RAPGEF5: variants seen among roughly 807,000 people sequenced by gnomAD.
RAPGEF5 encodes the protein M-Ras-regulated GEF.
RAPGEF5 carries 65 observed loss-of-function variants against 125.2 expected under a neutral mutation model. That is an observed-to-expected ratio of 0.52 (90% confidence interval 0.43 to 0.64). The LOEUF (loss-of-function observed/expected upper bound fraction) is 0.64. Ranked by LOEUF, RAPGEF5 falls within the 30% of genes least tolerant of loss-of-function variation. The probability of loss-of-function intolerance (pLI) is 0.00; values close to 1 mark genes in which losing one functional copy is unlikely to be tolerated. For missense variants in RAPGEF5, 958 were observed against 1,048.1 expected, an observed-to-expected ratio of 0.91 and a Z score of 1.19; for synonymous variants, 391 against 385.9, an observed-to-expected ratio of 1.01 and a Z score of -0.16.
At chr7:22,171,173 T>C (rs995877987) in intron 11 of RAPGEF5, among the ~76,000 whole-genome samples, 2 of 152,218 alleles carry the variant, frequency 1.3e-5, no homozygotes, top group Non-Finnish European at 2.9e-5. Context: ...TATTTAGAGA[T>C]ATTTTTAGAA....
rs570091425 is a variant in RAPGEF5, at chr7:22,305,498, G to C, written c.680+2841C>G. On this transcript the variant is annotated intron_variant, in intron 5 of 25. Transcript: ENST00000665637. Reference sequence around the variant, plus strand: ...GATACAGGCATGCAGTGTGAAATAAGCACATCATAGAGAATGGGGTACCTA... The same window carrying C: ...GATACAGGCATGCAGTGTGAAATAACCACATCATAGAGAATGGGGTACCTA... Among the ~76,000 whole-genome samples, 6 of 152,214 alleles carry C rather than the reference G, an allele frequency of 3.9e-5. No individual in the cohort carries two copies. The South Asian group carries it at 1.0e-3, about 26-fold the overall frequency.
intron 3 of RAPGEF5, chr7:22,314,610 T>A (rs1029088943): frequency 2.0e-6 from 2 of 981,008 alleles, no homozygotes; most frequent in Admixed American, 1.2e-4. Flanking sequence ...CTCTTCTTAC[T>A]CTTGATGGGT....
chr7:22,305,182 C>T (rs1248565851), intron 5 of RAPGEF5, among the ~76,000 whole-genome samples: 1 of 152,154 alleles, frequency 6.6e-6, no homozygotes, highest in Non-Finnish European at 1.5e-5. Flanking sequence ...ACCTAATTTC[C>T]CCTCTTATTT....
chr7:22,276,916 A>G (rs765761021), intron 6 of RAPGEF5, among the ~76,000 whole-genome samples: 21 of 152,228 alleles, frequency 1.4e-4, no homozygotes, highest in Non-Finnish European at 2.6e-4. Flanking sequence ...GCTGAATGAC[A>G]GAAGAAAGGA....
At chr7:22,290,044 G>A (rs1782893587) in intron 6 of RAPGEF5, among the ~76,000 whole-genome samples, 1 of 152,160 alleles carries the variant, frequency 6.6e-6, no homozygotes, top group Non-Finnish European at 1.5e-5. Flanking sequence ...CTTTAAAGCA[G>A]TGTGACAACA....
intron 5 of RAPGEF5, among the ~76,000 whole-genome samples, chr7:22,304,534 T>C (rs559151106): frequency 6.6e-6 from 1 of 152,346 alleles, no homozygotes; most frequent in South Asian, 2.1e-4. Context: ...AACAAGGTCA[T>C]TTCACTGGCA....
At chr7:22,311,233 G>A (rs1490897668) in intron 3 of RAPGEF5, among the ~76,000 whole-genome samples, 2 of 152,016 alleles carry the variant, frequency 1.3e-5, no homozygotes, top group Non-Finnish European at 2.9e-5. Flanking sequence ...GCCCAGACTG[G>A]TCTCAAACTC....
At chr7:22,321,219 T>C (rs543942718) in intron 1 of RAPGEF5, among the ~76,000 whole-genome samples, 2 of 152,270 alleles carry the variant, frequency 1.3e-5, no homozygotes, top group Admixed American at 6.5e-5. Flanking sequence ...AACTAGGAAA[T>C]TGCAATCCTT....
At position 22,303,447 on chromosome 7, in the gene RAPGEF5, C is replaced by A. The variant is rs1485621927; in HGVS notation, c.680+4892G>T. Among the ~76,000 whole-genome samples, 3 of 152,080 alleles carry A rather than the reference C, an allele frequency of 2.0e-5. No individual in the cohort carries two copies. The East Asian group carries it at 5.8e-4, about 29-fold the overall frequency. On this transcript the variant is annotated intron_variant, in intron 5 of 25. Coordinates refer to ENST00000665637, the MANE Select transcript of RAPGEF5 (RefSeq NM_012294.5). The stretch of plus-strand genomic sequence containing the variant: ...CATTTCCCCTCCTGCTTTAAAGATT[C>A]TTTTTTAAATGAGAAAAATCCCCTT...
At chr7:22,213,420 AT>A (rs1376229835) in intron 9 of RAPGEF5, among the ~76,000 whole-genome samples, 1 of 152,200 alleles carries the variant, frequency 6.6e-6, no homozygotes, top group Non-Finnish European at 1.5e-5. Flanking sequence ...TAAATGTCTT[AT>A]TTAGAGACTT....
chr7:22,325,211 G>A (rs1783791251), intron 1 of RAPGEF5, among the ~76,000 whole-genome samples: 1 of 152,148 alleles, frequency 6.6e-6, no homozygotes, highest in African/African-American at 2.4e-5. Flanking sequence ...AGTGCCTCCT[G>A]GCCCCATTTG....
chr7:22,297,142 G>A (rs963072399), intron 5 of RAPGEF5, among the ~76,000 whole-genome samples: 2 of 152,150 alleles, frequency 1.3e-5, no homozygotes, highest in Non-Finnish European at 2.9e-5. Context: ...GAGATATAGG[G>A]AAATATCAAC....
intron 6 of RAPGEF5, among the ~76,000 whole-genome samples, chr7:22,287,279 C>A (rs1231937036): frequency 1.3e-5 from 2 of 152,158 alleles, no homozygotes; most frequent in Non-Finnish European, 2.9e-5. Context: ...CTACATTTGA[C>A]TGAATTATAA....
chr7:22,241,910 A>G (rs1786341114), intron 7 of RAPGEF5, among the ~76,000 whole-genome samples: 1 of 152,120 alleles, frequency 6.6e-6, no homozygotes, highest in African/African-American at 2.4e-5. Context: ...CTTTCTTTGC[A>G]TATCATGAAC....
chr7:22,174,478 T>C (rs1784445238), intron 11 of RAPGEF5, among the ~76,000 whole-genome samples: 1 of 152,226 alleles, frequency 6.6e-6, no homozygotes, highest in South Asian at 2.1e-4. Context: ...GCCTACTTTA[T>C]GCAGGAGGCA....
At chr7:22,253,789 A>G (rs1786681868) in intron 7 of RAPGEF5, among the ~76,000 whole-genome samples, 1 of 152,224 alleles carries the variant, frequency 6.6e-6, no homozygotes, top group Admixed American at 6.5e-5. Flanking sequence ...TAATTTTATT[A>G]CTAACATCCA....
intron 7 of RAPGEF5, among the ~76,000 whole-genome samples, chr7:22,264,730 G>C (rs1236864344): frequency 6.6e-6 from 1 of 152,108 alleles, no homozygotes; most frequent in Non-Finnish European, 1.5e-5. Context: ...ATCCCACTCT[G>C]TGTAAATCAG....
intron 7 of RAPGEF5, among the ~76,000 whole-genome samples, chr7:22,253,903 T>C (rs1284808399): frequency 1.3e-5 from 2 of 152,080 alleles, no homozygotes; most frequent in African/African-American, 4.8e-5. Context: ...GAAGAACCTG[T>C]CAACTAAAAA....
rs146624934 is a variant in RAPGEF5, at chr7:22,154,410, G to A, written c.1786+45C>T. The A allele has an allele frequency of 9.1e-5, 146 of 1,601,206 alleles. No individual in the cohort carries two copies. In the African/African-American group the frequency reaches 1.5e-3, roughly 17 times the overall value. On this transcript the variant is annotated intron_variant, in intron 17 of 25. Coordinates refer to ENST00000665637, the MANE Select transcript of RAPGEF5 (RefSeq NM_012294.5). ...AAAATGTCACCTCCCTCCTTTTGAA[G>A]GAGATCAGTGAAAGATTAATATTCA...
Sources: allele counts gnomAD v4.1 joint callset (sites outside exome capture counted in the v4.1 genomes callset), GRCh38; gene constraint gnomAD v4.1.1; transcripts MANE v1.5; gene names NCBI Gene and HGNC (gene_info 2026-07-23, HGNC 2026-07-21).